MLF1: variants seen among roughly 807,000 people sequenced by gnomAD.
MLF1 encodes myelodysplasia-myeloid leukemia factor 1.
A neutral mutation model predicts 38.3 loss-of-function variants in MLF1; 37 were observed. The ratio of observed to expected loss-of-function variants is 0.96; its 90% CI spans 0.74 to 1.27. The LOEUF is 1.27. MLF1 is among the 50% of genes most tolerant of loss of function. MLF1 has a pLI of 0.00. For missense variants in MLF1, 331 were observed against 349.2 expected (o/e 0.95, Z 0.42); for synonymous variants, 95 against 106.5 (o/e 0.89, Z 0.66).
At chr3:158,601,183 C>T (rs1719692305) in intron 6 of MLF1, among the ~76,000 whole-genome samples, 1 of 151,918 alleles carries the variant, frequency 6.6e-6, no homozygotes, top group South Asian at 2.1e-4. Context: ...GCCTGTAATC[C>T]CAGCACTTTG....
At chr3:158,598,748 T>C (rs959349514) in intron 5 of MLF1, among the ~76,000 whole-genome samples, 1 of 152,206 alleles carries the variant, frequency 6.6e-6, no homozygotes, top group Non-Finnish European at 1.5e-5. Flanking sequence ...TTAAACCTTC[T>C]AATACATTCC....
chr3:158,574,196 A>G (rs1715016630), intron 1 of MLF1, among the ~76,000 whole-genome samples: 1 of 152,228 alleles, frequency 6.6e-6, no homozygotes, highest in Admixed American at 6.5e-5. Context: ...GGGAAATGAA[A>G]TGGTTAATAT....
chr3:158,599,748 A>G (rs1364034813), intron 5 of MLF1, among the ~76,000 whole-genome samples: 28 of 152,176 alleles, frequency 1.8e-4, no homozygotes, highest in Non-Finnish European at 2.9e-5. Flanking sequence ...TTAAACTATA[A>G]TTGCTACTTT....
intron 5 of MLF1, among the ~76,000 whole-genome samples, chr3:158,598,476 C>CT (rs1290026088): frequency 1.3e-5 from 2 of 148,766 alleles, no homozygotes; most frequent in Admixed American, 1.4e-4. Flanking sequence ...TGTTTATTAC[C>CT]TTTACATGTT....
rs1720346929 is a variant in MLF1 at position 158,605,082 on chromosome 3, A to G, written c.747-15A>G. On this transcript the variant is annotated splice_polypyrimidine_tract_variant and intron_variant, in intron 7 of 7. Coordinates refer to ENST00000466246, the MANE Select transcript of MLF1 (RefSeq NM_001369783.1). ...TTTTTTAAATGATATTAATATTCAC[A>G]TGTATATTTCTCAGGGAGAAACCTC... 2.6e-6 allele frequency: 4 copies of G among 1,567,340 alleles called. No homozygotes were observed. Among genetic ancestry groups the G allele is most frequent in the Non-Finnish European group, 3.5e-6 (4 of 1,140,406 alleles).
intron 3 of MLF1, among the ~76,000 whole-genome samples, chr3:158,594,735 G>A (rs1168266473): frequency 6.6e-6 from 1 of 152,148 alleles, no homozygotes; most frequent in African/African-American, 2.4e-5. Flanking sequence ...AGGGTTGAAG[G>A]AGCAGTAGAG....
intron 3 of MLF1, among the ~76,000 whole-genome samples, chr3:158,595,685 G>A (rs1256828925): frequency 6.6e-6 from 1 of 151,938 alleles, no homozygotes; most frequent in Non-Finnish European, 1.5e-5. Flanking sequence ...TGCCTTTGTT[G>A]TTCCCTACAA....
intron 1 of MLF1, among the ~76,000 whole-genome samples, chr3:158,585,951 C>G (rs1717180656): frequency 6.6e-6 from 1 of 152,072 alleles, no homozygotes; most frequent in Admixed American, 6.6e-5. Context: ...TGCCTGAGGT[C>G]AGGAGTTCGA....
rs1720377033 is a variant in MLF1, at chr3:158,605,272, T to C, written c.*70T>C. 8.4e-7 allele frequency: 1 copy of C among 1,194,222 alleles called. No homozygotes were observed. 74.0% of individuals were successfully genotyped at this position (1,194,222 alleles called of 1,614,324 possible). ...TAGTAATGGTGCTGGGTAATAAGCA[T>C]AAGACCAATCTCTTGCTGTTAAATC... On this transcript the variant is annotated 3_prime_UTR_variant, in exon 8 of 8. Coordinates refer to ENST00000466246, the MANE Select transcript of MLF1 (RefSeq NM_001369783.1).
At chr3:158,590,986 C>A in intron 1 of MLF1, 1 of 420,520 alleles carries the variant, frequency 2.4e-6, no homozygotes, top group Non-Finnish European at 4.7e-6. Context: ...TTTTTTTAAC[C>A]TCCAAGGTAA....
At chr3:158,588,978 A>G (rs1717731389) in intron 1 of MLF1, 1 of 441,178 alleles carries the variant, frequency 2.3e-6, no homozygotes, top group Admixed American at 2.5e-5. Flanking sequence ...TATAGTTTAA[A>G]TAGGAGTTTC....
At chr3:158,601,340 C>A (rs188711774) in intron 6 of MLF1, among the ~76,000 whole-genome samples, 1 of 151,926 alleles carries the variant, frequency 6.6e-6, no homozygotes, top group Non-Finnish European at 1.5e-5. Context: ...GAGGCCAAGG[C>A]GGGCAGATCA....
chr3:158,601,208 G>A (rs952632980), intron 6 of MLF1, among the ~76,000 whole-genome samples: 9 of 152,082 alleles, frequency 5.9e-5, no homozygotes, highest in African/African-American at 1.4e-4. Flanking sequence ...GCCGAGGCAG[G>A]TAGATCATGG....
At chr3:158,575,183 C>A (rs1195660419) in intron 1 of MLF1, among the ~76,000 whole-genome samples, 1 of 152,136 alleles carries the variant, frequency 6.6e-6, no homozygotes, top group Non-Finnish European at 1.5e-5. Flanking sequence ...TAGCCTTTTT[C>A]AAATGCAAGG....
intron 1 of MLF1, chr3:158,582,863 G>A (rs1716624764): frequency 1.5e-6 from 1 of 687,662 alleles, no homozygotes; most frequent in Middle Eastern, 2.7e-4. Context: ...CAGAGAGAAG[G>A]AAAATCATAC....
intron 1 of MLF1, among the ~76,000 whole-genome samples, chr3:158,590,232 A>C (rs1434516271): frequency 6.6e-6 from 1 of 152,236 alleles, no homozygotes; most frequent in East Asian, 1.9e-4. Flanking sequence ...GTTCTATCAA[A>C]GAACATACAT....
intron 3 of MLF1, among the ~76,000 whole-genome samples, chr3:158,594,787 A>T (rs1718651855): frequency 6.6e-6 from 1 of 152,138 alleles, no homozygotes; most frequent in Non-Finnish European, 1.5e-5. Flanking sequence ...TGGCATGAAG[A>T]ATAAGGTAGA....
chr3:158,602,341 A>G (rs1560113162), intron 6 of MLF1, among the ~76,000 whole-genome samples: 1 of 152,246 alleles, frequency 6.6e-6, no homozygotes, highest in African/African-American at 2.4e-5. Context: ...AGATTACTTC[A>G]TAACAACATG....
At chr3:158,601,806 C>CTT (rs1188640734) in intron 6 of MLF1, among the ~76,000 whole-genome samples, 49,537 of 96,016 alleles carry the variant, frequency 0.52, 14,655 homozygotes, top group East Asian at 0.7. Context: ...TAAAATTATT[C>CTT]TTTTTTTTTT....
Sources: allele counts gnomAD v4.1 joint callset (sites outside exome capture counted in the v4.1 genomes callset), GRCh38; gene constraint gnomAD v4.1.1; transcripts MANE v1.5; gene names NCBI Gene and HGNC (gene_info 2026-07-23, HGNC 2026-07-21).